The following CSMD3 variants were observed in gnomAD, a reference collection of about 807,000 sequenced individuals.
CSMD3 encodes the protein CUB and Sushi multiple domains 3.
A neutral mutation model predicts 435.2 loss-of-function variants in CSMD3; 177 were observed. The ratio of observed to expected loss-of-function variants is 0.41; its 90% CI spans 0.36 to 0.46. CSMD3 has a LOEUF of 0.46. Ranked by LOEUF, CSMD3 falls within the 20% of genes least tolerant of loss-of-function variation. The pLI, the probability that CSMD3 is intolerant of heterozygous loss-of-function variation, is 0.34. For synonymous variants in CSMD3, 1,656 were observed against 1,520.5 expected (o/e 1.09, Z -2.07); for missense variants, 4,265 against 4,504.6 (o/e 0.95, Z 1.52).
At chr8:113,423,182 G>C (rs1428313618) in intron 1 of CSMD3, among the ~76,000 whole-genome samples, 5 of 151,954 alleles carry the variant, frequency 3.3e-5, no homozygotes, top group Non-Finnish European at 7.4e-5. Context: ...TCCACTTGTG[G>C]AATCATGTCA....
intron 19 of CSMD3, 91 bp from the exon 20 acceptor site, chr8:112,645,316 G>A (rs911797227): frequency 2.4e-5 from 19 of 795,964 alleles, no homozygotes; most frequent in East Asian, 1.2e-4. Context: ...TTGAGCAGTC[G>A]CATTATCTTT....
chr8:112,429,202 C>T (rs1050638265), intron 32 of CSMD3, among the ~76,000 whole-genome samples: 1 of 152,056 alleles, frequency 6.6e-6, no homozygotes, highest in African/African-American at 2.4e-5. Flanking sequence ...TCCCACCCCA[C>T]TAAATACCTC....
intron 1 of CSMD3, among the ~76,000 whole-genome samples, chr8:113,374,653 TATA>T (rs2094367258): frequency 6.6e-6 from 1 of 151,900 alleles, no homozygotes; most frequent in Admixed American, 6.6e-5. Context: ...CGATATTACT[TATA>T]ATATTTTGAG....
intron 38 of CSMD3, among the ~76,000 whole-genome samples, chr8:112,358,269 C>T (rs1347659488): frequency 6.6e-6 from 1 of 152,110 alleles, no homozygotes; most frequent in African/African-American, 2.4e-5. Flanking sequence ...CGGAAGTAAA[C>T]TGCTTTTGAT....
At chr8:113,027,430 G>T (rs1015957018) in intron 5 of CSMD3, among the ~76,000 whole-genome samples, 1 of 152,090 alleles carries the variant, frequency 6.6e-6, no homozygotes, top group Non-Finnish European at 1.5e-5. Flanking sequence ...ATGGAATGAC[G>T]TTAAATGCAT....
chr8:112,295,024 A>C (rs1039706019), intron 54 of CSMD3, among the ~76,000 whole-genome samples: 1 of 152,076 alleles, frequency 6.6e-6, no homozygotes, highest in Admixed American at 6.6e-5. Context: ...CACTGTACCC[A>C]ATGTGTAATC....
chr8:112,675,092 G>C (rs1425145337), intron 16 of CSMD3, among the ~76,000 whole-genome samples: 1 of 152,042 alleles, frequency 6.6e-6, no homozygotes, highest in Non-Finnish European at 1.5e-5. Flanking sequence ...TTCAAGAAGA[G>C]GAATATAGAT....
chr8:112,388,721 GTCA>G (rs1830167174), intron 36 of CSMD3, among the ~76,000 whole-genome samples: 1 of 152,192 alleles, frequency 6.6e-6, no homozygotes, highest in Admixed American at 6.5e-5. Flanking sequence ...AGGTCTGCAT[GTCA>G]TCATTTATTC....
intron 6 of CSMD3, among the ~76,000 whole-genome samples, chr8:113,009,510 A>G (rs2086178789): frequency 6.6e-6 from 1 of 151,766 alleles, no homozygotes; most frequent in South Asian, 2.1e-4. Flanking sequence ...TGCTACTAAA[A>G]CATCTGCTTT....
intron 22 of CSMD3, among the ~76,000 whole-genome samples, chr8:112,622,640 A>C (rs762643894): frequency 5.9e-5 from 9 of 152,190 alleles, no homozygotes; most frequent in Non-Finnish European, 1.3e-4. Context: ...ATTTAAGTTC[A>C]TTCATGCTGA....
intron 1 of CSMD3, among the ~76,000 whole-genome samples, chr8:113,372,692 G>A (rs1396853579): frequency 2.0e-5 from 3 of 152,144 alleles, no homozygotes; most frequent in Admixed American, 1.3e-4. Flanking sequence ...CCAGCACTTT[G>A]GGAGGCCGAG....
At chr8:112,381,540 A>G (rs933085794) in intron 37 of CSMD3, among the ~76,000 whole-genome samples, 1 of 152,212 alleles carries the variant, frequency 6.6e-6, no homozygotes, top group African/African-American at 2.4e-5. Context: ...ACATTTCTTT[A>G]TAAGTAACTA....
intron 24 of CSMD3, among the ~76,000 whole-genome samples, chr8:112,564,985 G>T (rs1828949896): frequency 6.6e-6 from 1 of 151,980 alleles, no homozygotes. Context: ...AAATTAGCAG[G>T]TCCTTAGATA....
At chr8:112,317,977 T>C (rs1309866518) in intron 47 of CSMD3, among the ~76,000 whole-genome samples, 2 of 152,072 alleles carry the variant, frequency 1.3e-5, no homozygotes, top group African/African-American at 2.4e-5. Flanking sequence ...GATAATTGTG[T>C]GTTAGGCACT....
rs527252897 is a variant in CSMD3, at chr8:112,451,647, T to C, written c.5395+20944A>G. On this transcript the variant is annotated intron_variant, in intron 32 of 70. Coordinates refer to ENST00000297405, the MANE Select transcript of CSMD3 (RefSeq NM_198123.2). Reference sequence around the variant, plus strand: ...TCCGCCTCCCGGGTTCAAGCGATTGTCCTGCCTCAGCCTCCCAAGTACCTG... The same window carrying C: ...TCCGCCTCCCGGGTTCAAGCGATTGCCCTGCCTCAGCCTCCCAAGTACCTG... Among the ~76,000 whole-genome samples the C allele has an allele frequency of 9.1e-4, 138 of 152,208 alleles. 2 individuals are homozygous for C. The highest frequency in any genetic ancestry group is 3.2e-3 in the African/African-American group (132 of 41,542).
chr8:112,959,134 T>G (rs2084138304), intron 7 of CSMD3, among the ~76,000 whole-genome samples: 2 of 152,120 alleles, frequency 1.3e-5, no homozygotes, highest in Admixed American at 1.3e-4. Context: ...ATATGTAATA[T>G]GCAGAACATT....
At chr8:112,255,508 A>G in intron 61 of CSMD3, 81 bp from the exon 62 acceptor site, 1 of 1,200,232 alleles carries the variant, frequency 8.3e-7, no homozygotes, top group East Asian at 2.3e-5. Flanking sequence ...GTGACAATCA[A>G]TTTGAATATT....
At chr8:112,699,751 C>T (rs543135397) in intron 13 of CSMD3, among the ~76,000 whole-genome samples, 142 of 152,258 alleles carry the variant, frequency 9.3e-4, no homozygotes, top group African/African-American at 3.3e-3. Flanking sequence ...AATGTGTGGC[C>T]TATGCCTGGA....
intron 10 of CSMD3, among the ~76,000 whole-genome samples, chr8:112,861,646 T>C (rs976563756): frequency 2.0e-5 from 3 of 152,002 alleles, no homozygotes; most frequent in Non-Finnish European, 2.9e-5. Context: ...TAATGGATTA[T>C]ACATTTCATA....
Sources: gnomAD v4.1 joint callset for allele counts (sites outside exome capture counted in the v4.1 genomes callset) on GRCh38, gnomAD v4.1.1 for gene constraint, MANE v1.5 for transcripts, NCBI Gene and HGNC (gene_info 2026-07-23, HGNC 2026-07-21) for gene names.